AKAP13: variants seen among roughly 807,000 people sequenced by gnomAD.
The protein encoded by AKAP13 is A-kinase anchoring protein 13.
Under a neutral mutation model 264.5 loss-of-function variants are expected in AKAP13, and 80 were observed. The observed-to-expected ratio is 0.30, with a 90% CI of 0.25 to 0.36. The LOEUF is 0.36. AKAP13 is among the 10% of genes least tolerant of loss of function. The pLI, the probability that AKAP13 is intolerant of heterozygous loss-of-function variation, is 1.00. For missense variants in AKAP13, 3,712 were observed against 3,435.2 expected, an observed-to-expected ratio of 1.08 and a Z score of -2.01; for synonymous variants, 1,380 against 1,250.2, an observed-to-expected ratio of 1.10 and a Z score of -2.19.
intron 8 of AKAP13, among the ~76,000 whole-genome samples, chr15:85,586,939 A>T: frequency 3.9e-5 from 1 of 25,458 alleles, no homozygotes; most frequent in Non-Finnish European, 1.0e-4. Context: ...AAAAAAAAAA[A>T]ATAAGAGAAT....
intron 17 of AKAP13, among the ~76,000 whole-genome samples, chr15:85,694,053 C>T (rs1291280593): frequency 1.3e-5 from 2 of 152,224 alleles, no homozygotes; most frequent in African/African-American, 2.4e-5. Flanking sequence ...AACCACTGCA[C>T]GTTTTAAAAG....
At chr15:85,533,950 A>G in intron 4 of AKAP13, 70 bp downstream of exon 4, 3 of 1,451,888 alleles carry the variant, frequency 2.1e-6, no homozygotes, top group South Asian at 1.4e-5. Flanking sequence ...TAATGGGGCT[A>G]CTTTTCTATG....
chr15:85,439,894 G>T (rs1053490779), intron 1 of AKAP13, among the ~76,000 whole-genome samples: 1 of 150,190 alleles, frequency 6.7e-6, no homozygotes, highest in African/African-American at 2.5e-5. Flanking sequence ...TGGGTGCAGC[G>T]CACGAGCATG....
intron 4 of AKAP13, among the ~76,000 whole-genome samples, chr15:85,539,768 A>G (rs1049728935): frequency 5.9e-5 from 9 of 152,212 alleles, no homozygotes; most frequent in African/African-American, 2.2e-4. Flanking sequence ...GGCTAAGCCT[A>G]CAGAGATCTT....
At chr15:85,391,899 C>A (rs931076325) in intron 1 of AKAP13, among the ~76,000 whole-genome samples, 14 of 152,048 alleles carry the variant, frequency 9.2e-5, no homozygotes, top group Admixed American at 2.0e-4. Context: ...ATTCTCCTGC[C>A]TCAGCCTCCC....
intron 33 of AKAP13, among the ~76,000 whole-genome samples, chr15:85,736,948 T>C (rs548091951): frequency 3.8e-4 from 55 of 144,602 alleles, no homozygotes; most frequent in Admixed American, 8.4e-4. Context: ...GGGATGGATC[T>C]TGCTCTGTTG....
At chr15:85,738,364 C>T (rs1035817198) in intron 33 of AKAP13, among the ~76,000 whole-genome samples, 2 of 151,192 alleles carry the variant, frequency 1.3e-5, no homozygotes, top group Admixed American at 6.6e-5. Flanking sequence ...TGCACTCCAG[C>T]CTGGACAAGA....
intron 1 of AKAP13, among the ~76,000 whole-genome samples, chr15:85,399,515 AAAAAAAATAAAAAAATAAAAAAAT>A (rs1567038584): frequency 3.3e-5 from 4 of 120,126 alleles, no homozygotes; most frequent in Non-Finnish European, 3.5e-5. Context: ...AAAAAAAAAA[AAAAAAAATAAAAAAATAAAAAAAT>A]AAATAAATAA....
rs1417517201 is a variant in AKAP13, at chr15:85,575,137, T to G, written c.669T>G (p.Asn223Lys). ...HKLHQLLTEE[N>K]AGEPDSWSSL... ...CAGAGATGCTTGCATGTAGGGAGAA[T>G]GCTGGAGAACCAGACTCCTGGAGCA... Residue 223 changes from asparagine to lysine, a missense_variant, in exon 6 of 37, where the codon AAT (asparagine) becomes AAG (lysine). This residue lies in a region of AKAP13 where 2,759 missense variants were observed against 2,411.7 expected (regional missense o/e 1.14). Transcript: ENST00000394518. 2 of 1,614,066 alleles carry G rather than the reference T, an allele frequency of 1.2e-6. No homozygotes were observed. The highest frequency in any genetic ancestry group is 2.2e-5 in the South Asian group (2 of 91,082).
At chr15:85,593,283 G>A (rs2079661272) in intron 8 of AKAP13, among the ~76,000 whole-genome samples, 1 of 152,098 alleles carries the variant, frequency 6.6e-6, no homozygotes, top group Non-Finnish European at 1.5e-5. Context: ...CTGCCCTCCA[G>A]CCTGGAAGGC....
At chr15:85,425,680 C>T (rs903160369) in intron 1 of AKAP13, among the ~76,000 whole-genome samples, 4 of 147,576 alleles carry the variant, frequency 2.7e-5, no homozygotes, top group African/African-American at 5.0e-5. Flanking sequence ...TGTGCCACTG[C>T]ACTCCAGCCT....
rs140320495 is a variant in AKAP13 at position 85,400,650 on chromosome 15, G to T, written c.-12+19852G>T. Among the ~76,000 whole-genome samples, 70 of 152,100 alleles carry T rather than the reference G, an allele frequency of 4.6e-4. 1 individual carries two copies. Among genetic ancestry groups the T allele is most frequent in the South Asian group, 2.5e-3 (12 of 4,812 alleles). ...ATTTTCAATCATAATATTTGTGAAG[G>T]TTTTCTGTATTATAAGTAGGAAGAA... is the stretch of plus-strand genomic sequence containing the variant. On this transcript the variant is annotated intron_variant, in intron 1 of 36. Coordinates refer to ENST00000394518, the MANE Select transcript of AKAP13 (RefSeq NM_007200.5).
chr15:85,523,705 GAAC>G (rs1403114201), intron 3 of AKAP13, among the ~76,000 whole-genome samples: 1 of 152,150 alleles, frequency 6.6e-6, no homozygotes, highest in Non-Finnish European at 1.5e-5. Flanking sequence ...TCACTTGATA[GAAC>G]AACATTTCAC....
At chr15:85,475,484 T>C (rs1021571619) in intron 1 of AKAP13, among the ~76,000 whole-genome samples, 4 of 152,290 alleles carry the variant, frequency 2.6e-5, no homozygotes, top group Admixed American at 6.5e-5. Flanking sequence ...CAAAAGAGAA[T>C]TGAAATAACA....
chr15:85,608,373 A>G (rs1024752783), intron 8 of AKAP13, among the ~76,000 whole-genome samples: 2 of 152,212 alleles, frequency 1.3e-5, no homozygotes, highest in African/African-American at 4.8e-5. Flanking sequence ...TGTGGTGGTA[A>G]ACGAAGACAT....
chr15:85,743,876 G>A (rs1349207659), intron 36 of AKAP13, 51 bp downstream of exon 36: 4 of 1,523,508 alleles, frequency 2.6e-6, no homozygotes, highest in Non-Finnish European at 3.5e-6. Flanking sequence ...TGTGCATTCT[G>A]AGAGAGGGTA....
At chr15:85,448,365 T>G (rs1275444092) in intron 1 of AKAP13, among the ~76,000 whole-genome samples, 1 of 152,250 alleles carries the variant, frequency 6.6e-6, no homozygotes, top group Non-Finnish European at 1.5e-5. Flanking sequence ...GTTCTTAAGC[T>G]TAATTAGATC....
At chr15:85,531,290 AG>A (rs1391964855) in intron 3 of AKAP13, among the ~76,000 whole-genome samples, 1 of 152,244 alleles carries the variant, frequency 6.6e-6, no homozygotes, top group African/African-American at 2.4e-5. Flanking sequence ...AAGTTCTTGT[AG>A]AACTCCTCTC....
intron 1 of AKAP13, among the ~76,000 whole-genome samples, chr15:85,444,242 G>A (rs532794225): frequency 1.3e-3 from 205 of 152,224 alleles, no homozygotes; most frequent in African/African-American, 4.4e-3. Context: ...TGTTATGCTT[G>A]GGTTCAACAT....
Sources: gnomAD v4.1 joint callset for allele counts (sites outside exome capture counted in the v4.1 genomes callset) on GRCh38, gnomAD v4.1.1 for gene constraint, gnomAD v4.1.1 regional missense constraint, MANE v1.5 for transcripts, NCBI Gene and HGNC (gene_info 2026-07-23, HGNC 2026-07-21) for gene names.